The following DNAJC15 variants were observed in gnomAD, a reference collection of about 807,000 sequenced individuals.
The protein encoded by DNAJC15 is dnaJ homolog subfamily C member 15.
Under a neutral mutation model 22.4 loss-of-function variants are expected in DNAJC15, and 27 were observed. The ratio of observed to expected loss-of-function variants is 1.20; its 90% CI spans 0.89 to 1.66. The LOEUF (loss-of-function observed/expected upper bound fraction) is 1.66. Among genes scored for constraint, DNAJC15 ranks in the 40% most tolerant of loss-of-function variants. The probability of loss-of-function intolerance (pLI) is 0.00; values close to 1 mark genes in which losing one functional copy is unlikely to be tolerated. For synonymous variants in DNAJC15, 79 were observed against 63.2 expected (o/e 1.25, Z -1.19); for missense variants, 208 against 187.1 (o/e 1.11, Z -0.65).
chr13:43,050,900 T>C (rs1261727352), intron 1 of DNAJC15, among the ~76,000 whole-genome samples: 1 of 152,180 alleles, frequency 6.6e-6, no homozygotes, highest in Non-Finnish European at 1.5e-5. Flanking sequence ...CAATTTTGGT[T>C]ATTTACTGAA....
At chr13:43,092,871 G>C (rs1426639942) in intron 5 of DNAJC15, among the ~76,000 whole-genome samples, 3 of 152,158 alleles carry the variant, frequency 2.0e-5, no homozygotes, top group African/African-American at 7.2e-5. Context: ...CTATGATCAT[G>C]CTACTGTACT....
At chr13:43,066,479 A>T (rs1050821511) in intron 2 of DNAJC15, among the ~76,000 whole-genome samples, 13 of 152,138 alleles carry the variant, frequency 8.5e-5, no homozygotes, top group African/African-American at 3.1e-4. Flanking sequence ...GCCCACCTGG[A>T]TAATCAAGGA....
At chr13:43,067,865 A>T (rs1475931054) in intron 2 of DNAJC15, among the ~76,000 whole-genome samples, 1 of 152,202 alleles carries the variant, frequency 6.6e-6, no homozygotes, top group Non-Finnish European at 1.5e-5. Flanking sequence ...GGAAGATGAC[A>T]TCTATGTGAT....
chr13:43,086,775 A>G (rs937014891), intron 5 of DNAJC15, among the ~76,000 whole-genome samples: 1 of 152,208 alleles, frequency 6.6e-6, no homozygotes, highest in Non-Finnish European at 1.5e-5. Context: ...TCACTCAGCT[A>G]ATTTACTTTG....
Position 43,078,461 on chromosome 13 carries a change from AGTTTCATTGTTTG to A in DNAJC15, c.235-148_235-136del, listed in dbSNP as rs1367410256. 14 of 499,922 alleles carry A rather than the reference AGTTTCATTGTTTG, an allele frequency of 2.8e-5. No homozygotes were observed. In the East Asian group the frequency reaches 4.0e-4, roughly 14 times the overall value. 31.0% of individuals were successfully genotyped at this position (499,922 alleles called of 1,614,324 possible). The stretch of plus-strand genomic sequence containing the variant: ...TCATATTGGTCAAAATTTCTTGAAA[AGTTTCATTGTTTG>A]GTGCTTCCCCCCGCCCCATAATTTT... On this transcript the variant is annotated intron_variant, in intron 3 of 5. Transcript: ENST00000379221.
At chr13:43,026,436 A>G (rs1020063511) in intron 1 of DNAJC15, among the ~76,000 whole-genome samples, 3 of 152,204 alleles carry the variant, frequency 2.0e-5, no homozygotes, top group African/African-American at 7.2e-5. Flanking sequence ...TGTGCAACCA[A>G]ACAGGGCCTC....
chr13:43,071,159 T>C (rs2040606900), intron 3 of DNAJC15, among the ~76,000 whole-genome samples: 1 of 151,968 alleles, frequency 6.6e-6, no homozygotes, highest in African/African-American at 2.4e-5. Flanking sequence ...AGCAAGAAAA[T>C]GAGAAAATCT....
chr13:43,106,282 A>G (rs2040796579), intron 5 of DNAJC15, among the ~76,000 whole-genome samples: 1 of 152,196 alleles, frequency 6.6e-6, no homozygotes. Flanking sequence ...GAGCTGTAAT[A>G]TGATTGTTAG....
chr13:43,098,169 C>A (rs1003580645), intron 5 of DNAJC15, among the ~76,000 whole-genome samples: 1 of 152,066 alleles, frequency 6.6e-6, no homozygotes, highest in Admixed American at 6.6e-5. Flanking sequence ...TCTATGAGGA[C>A]AGAATTATGT....
At chr13:43,080,326 C>T (rs1028435678) in intron 4 of DNAJC15, among the ~76,000 whole-genome samples, 1 of 152,164 alleles carries the variant, frequency 6.6e-6, no homozygotes, top group African/African-American at 2.4e-5. Context: ...TTTTCTGTTT[C>T]TGCATTAGTT....
Position 43,110,527 on chromosome 13 carries a change from TAC to T in DNAJC15, c.*3281_*3282del, listed in dbSNP as rs1225592537. On this transcript the variant is annotated 3_prime_UTR_variant, in exon 6 of 6. Coordinates refer to ENST00000379221, the MANE Select transcript of DNAJC15 (RefSeq NM_013238.3). ...CAAAGTCAGGCATGTATAATTGAAC[TAC>T]AGTTACTTGAAATATAAGCCCAGAA... The T allele has an allele frequency of 6.6e-6, 1 of 152,180 alleles. No individual in the cohort carries two copies. The highest frequency in any genetic ancestry group is 1.5e-5 in the Non-Finnish European group (1 of 68,022). The allele number at this position is 152,180 out of a possible 1,614,324, so 9.4% of individuals were successfully genotyped here.
At position 43,111,640 on chromosome 13, in the gene DNAJC15, C is replaced by CGG. The variant is rs1177665670; in HGVS notation, c.*4393_*4394dup. 2 of 152,102 alleles carry CGG rather than the reference C, an allele frequency of 1.3e-5. No individual in the cohort carries two copies. The highest frequency in any genetic ancestry group is 6.5e-5 in the Admixed American group (1 of 15,276). The allele number at this position is 152,102 out of a possible 1,614,324, so 9.4% of individuals were successfully genotyped here. On this transcript the variant is annotated 3_prime_UTR_variant, in exon 6 of 6. Transcript: ENST00000379221. ...GAGTCAACCAACTTAAGATGAGCTACGGAGACTGCAGTGAAAAGTTAAATA... is the reference window on the plus strand; with the variant it reads ...GAGTCAACCAACTTAAGATGAGCTACGGGGAGACTGCAGTGAAAAGTTAAATA...
At chr13:43,066,086 C>A (rs2040582217) in intron 2 of DNAJC15, among the ~76,000 whole-genome samples, 1 of 151,772 alleles carries the variant, frequency 6.6e-6, no homozygotes, top group South Asian at 2.1e-4. Flanking sequence ...TTTATTTTTT[C>A]TTGCAGACAG....
In DNAJC15 at chr13:43,114,167, G is replaced by C. The variant is rs1243283571; in HGVS notation, c.*6919G>C. 1 of 152,082 alleles carries C rather than the reference G, an allele frequency of 6.6e-6. No individual in the cohort carries two copies. Among genetic ancestry groups the C allele is most frequent in the East Asian group, 1.9e-4 (1 of 5,202 alleles). 9.4% of individuals were successfully genotyped at this position (152,082 alleles called of 1,614,324 possible). A position where few individuals can be genotyped will look rare whatever the true frequency, so the allele number is the denominator to read the frequency against. On this transcript the variant is annotated 3_prime_UTR_variant, in exon 6 of 6. Transcript: ENST00000379221. The stretch of plus-strand genomic sequence containing the variant: ...AACAATAAGATAGTTTTATCTATGT[G>C]GTTTTCCCGATGCAGTTAAAATAAA...
intron 1 of DNAJC15, among the ~76,000 whole-genome samples, chr13:43,036,095 A>G (rs1254100836): frequency 1.4e-5 from 2 of 147,536 alleles, no homozygotes; most frequent in Admixed American, 1.4e-4. Context: ...TCTGAACACT[A>G]TTTTTCAGAT....
At chr13:43,074,186 C>T (rs967904752) in intron 3 of DNAJC15, among the ~76,000 whole-genome samples, 1 of 152,048 alleles carries the variant, frequency 6.6e-6, no homozygotes, top group South Asian at 2.1e-4. Flanking sequence ...TGATCCAGTT[C>T]TTCTCTAGTT....
At chr13:43,090,506 A>G (rs575763454) in intron 5 of DNAJC15, among the ~76,000 whole-genome samples, 4 of 152,024 alleles carry the variant, frequency 2.6e-5, no homozygotes, top group Middle Eastern at 3.4e-3. Flanking sequence ...TAAAAAAAAC[A>G]TAGACTTAGG....
intron 5 of DNAJC15, among the ~76,000 whole-genome samples, chr13:43,101,776 A>G (rs944845122): frequency 6.6e-6 from 1 of 152,056 alleles, no homozygotes; most frequent in Non-Finnish European, 1.5e-5. Context: ...ATTTCTTTTT[A>G]TGGCTGAGTA....
In DNAJC15 at chr13:43,059,748, C is replaced by G. The variant is rs146209785; in HGVS notation, c.109-5938C>G. Among the ~76,000 whole-genome samples, 967 of 152,312 alleles carry G rather than the reference C, an allele frequency of 6.3e-3. 3 individuals are homozygous for G. Among genetic ancestry groups the G allele is most frequent in the Non-Finnish European group, 0.011 (737 of 68,020 alleles). On this transcript the variant is annotated intron_variant, in intron 1 of 5. Coordinates refer to ENST00000379221, the MANE Select transcript of DNAJC15 (RefSeq NM_013238.3). ...CATGGCTGTTTATTTCACCTGGGTGCAGGCGGGCTGAGTCCGAAAAGAGAG... is the reference window on the plus strand; with the variant it reads ...CATGGCTGTTTATTTCACCTGGGTGGAGGCGGGCTGAGTCCGAAAAGAGAG...
Sources: allele counts gnomAD v4.1 joint callset (sites outside exome capture counted in the v4.1 genomes callset), GRCh38; gene constraint gnomAD v4.1.1; transcripts MANE v1.5; gene names NCBI Gene and HGNC (gene_info 2026-07-23, HGNC 2026-07-21).